Variants in DROSHA observed in about 807,000 individuals in gnomAD.
DROSHA encodes drosha ribonuclease III.
Under a neutral mutation model 181.9 loss-of-function variants are expected in DROSHA, and 56 were observed. That is an observed-to-expected ratio of 0.31 (90% CI 0.25 to 0.38). The LOEUF (loss-of-function observed/expected upper bound fraction) is 0.38. DROSHA is among the 10% of genes least tolerant of loss of function. DROSHA has a pLI of 1.00. For missense variants in DROSHA, 1,218 were observed against 1,743.5 expected (o/e 0.70, Z 5.37); for synonymous variants, 524 against 591.2 (o/e 0.89, Z 1.65).
intron 20 of DROSHA, among the ~76,000 whole-genome samples, chr5:31,461,374 T>A (rs574408644): frequency 6.6e-6 from 1 of 152,304 alleles, no homozygotes; most frequent in East Asian, 1.9e-4. Context: ...ACGTATCAAC[T>A]GTGGCAAAAA....
At chr5:31,454,964 C>G (rs1747471632) in intron 20 of DROSHA, among the ~76,000 whole-genome samples, 2 of 147,744 alleles carry the variant, frequency 1.4e-5, no homozygotes, top group Admixed American at 6.7e-5. Flanking sequence ...AAAAAAAATT[C>G]CAGAGAAACA....
At chr5:31,464,035 C>T (rs1387696299) in intron 20 of DROSHA, 6 of 578,010 alleles carry the variant, frequency 1.0e-5, no homozygotes, top group Admixed American at 3.1e-5. Context: ...CCCACAAATA[C>T]AACATACACA....
At chr5:31,417,283 C>T (rs1026881838) in intron 30 of DROSHA, among the ~76,000 whole-genome samples, 4 of 152,226 alleles carry the variant, frequency 2.6e-5, no homozygotes, top group Non-Finnish European at 5.9e-5. Context: ...AACTGGCATA[C>T]AGGCCAATGT....
At chr5:31,466,305 T>C in intron 18 of DROSHA, 24 bp from the exon 19 acceptor site, 1 of 1,607,878 alleles carries the variant, frequency 6.2e-7, no homozygotes, top group Non-Finnish European at 8.5e-7. Context: ...CAGGCAAACA[T>C]CTCAGGTAAA....
chr5:31,448,870 G>A (rs1376180500), intron 22 of DROSHA, among the ~76,000 whole-genome samples: 1 of 152,154 alleles, frequency 6.6e-6, no homozygotes, highest in African/African-American at 2.4e-5. Flanking sequence ...CAGTGGCTCA[G>A]GTCTGTAACT....
chr5:31,405,741 G>A lies in DROSHA; in HGVS notation c.3948-18C>T. 1.4e-6 allele frequency: 1 copy of A among 738,388 alleles called. No individual in the cohort carries two copies. Among genetic ancestry groups the A allele is most frequent in the Non-Finnish European group, 2.0e-6 (1 of 493,392 alleles). The allele number at this position is 738,388 out of a possible 1,614,324, so 45.7% of individuals were successfully genotyped here. ...GCTGAATACTATTAAATAAAATAAA[G>A]TAAGACATACTTTAATTTCAAGATT... On this transcript the variant is annotated intron_variant, in intron 34 of 35. Coordinates refer to ENST00000344624, the MANE Select transcript of DROSHA (RefSeq NM_001382508.1).
Position 31,429,532 on chromosome 5 carries a change from C to T in DROSHA, c.3159G>A (p.Leu1053=). 2 of 1,611,774 alleles carry T rather than the reference C, an allele frequency of 1.2e-6. No individual in the cohort carries two copies. The highest frequency in any genetic ancestry group is 1.1e-5 in the South Asian group (1 of 90,700). Residue 1053 remains leucine, a synonymous_variant, in exon 27 of 36, where the codon TTG becomes TTA. Coordinates refer to ENST00000344624, the MANE Select transcript of DROSHA (RefSeq NM_001382508.1). ...CFEALIGAVY[L]EGSLEEAKQL... ...GCTTGGCTTCCTCCAGGCTTCCCTC[C>T]AAGTAAACAGCTCCTAGATGAAAAA...
At chr5:31,446,984 G>A (rs112433929) in intron 23 of DROSHA, among the ~76,000 whole-genome samples, 217 of 152,256 alleles carry the variant, frequency 1.4e-3, no homozygotes, top group African/African-American at 5.1e-3. Context: ...AGGTTGCAGT[G>A]AGCTGAGATC....
intron 10 of DROSHA, among the ~76,000 whole-genome samples, chr5:31,507,905 A>AT (rs975202823): frequency 2.6e-5 from 4 of 152,344 alleles, no homozygotes; most frequent in Admixed American, 6.5e-5. Context: ...CAGACGTTCT[A>AT]TAAAAAAAAG....
At chr5:31,494,178 G>A (rs942101230) in intron 12 of DROSHA, among the ~76,000 whole-genome samples, 4 of 152,028 alleles carry the variant, frequency 2.6e-5, no homozygotes, top group African/African-American at 9.7e-5. Flanking sequence ...ATCCCTACTA[G>A]GCTGGTCTCA....
At chr5:31,464,472 A>G (rs1748783154) in intron 19 of DROSHA, 129 bp from the exon 20 acceptor site, 3 of 791,954 alleles carry the variant, frequency 3.8e-6, no homozygotes, top group East Asian at 2.7e-5. Context: ...AAACCTCTTC[A>G]TACAAAATTA....
At chr5:31,529,731 AAACAAAAAAAAAAAAAC>A (rs1399635260) in intron 3 of DROSHA, among the ~76,000 whole-genome samples, 2 of 138,732 alleles carry the variant, frequency 1.4e-5, no homozygotes, top group African/African-American at 6.0e-5. Flanking sequence ...TCAAAAAAAC[AAACAAAAAAAAAAAAAC>A]AAAAAAAAAA....
intron 23 of DROSHA, among the ~76,000 whole-genome samples, chr5:31,438,750 G>A (rs943761385): frequency 6.6e-6 from 1 of 152,020 alleles, no homozygotes; most frequent in Non-Finnish European, 1.5e-5. Flanking sequence ...TTCAGGTGAT[G>A]AATTATATGA....
At chr5:31,434,962 T>C (rs141363768) in intron 25 of DROSHA, among the ~76,000 whole-genome samples, 2 of 152,392 alleles carry the variant, frequency 1.3e-5, no homozygotes, top group African/African-American at 4.8e-5. Flanking sequence ...TAGCACTTTA[T>C]AAATGACATC....
chr5:31,408,961 G>C (rs1290668097), intron 33 of DROSHA, 95 bp downstream of exon 33: 3 of 1,174,546 alleles, frequency 2.6e-6, no homozygotes, highest in East Asian at 4.9e-5. Context: ...CTCCTGTCAT[G>C]ATCACCCCAC....
chr5:31,419,989 G>A (rs1401890168), intron 30 of DROSHA, among the ~76,000 whole-genome samples: 1 of 151,732 alleles, frequency 6.6e-6, no homozygotes, highest in African/African-American at 2.4e-5. Flanking sequence ...TATAAAAAAA[G>A]AGTACTGCTG....
intron 25 of DROSHA, among the ~76,000 whole-genome samples, chr5:31,433,106 C>A (rs569704427): frequency 6.6e-6 from 1 of 152,220 alleles, no homozygotes; most frequent in South Asian, 2.1e-4. Context: ...TTCCACCAGT[C>A]CTCAGACAAA....
chr5:31,444,115 C>T (rs190725639), intron 23 of DROSHA, among the ~76,000 whole-genome samples: 3 of 152,304 alleles, frequency 2.0e-5, no homozygotes, highest in Non-Finnish European at 4.4e-5. Context: ...CAATGACGAT[C>T]AGCACACGGG....
chr5:31,479,662 C>G (rs1243877727), intron 16 of DROSHA, among the ~76,000 whole-genome samples: 1 of 151,868 alleles, frequency 6.6e-6, no homozygotes, highest in East Asian at 1.9e-4. Context: ...GATCAAAAAG[C>G]AATCTACAGA....
Sources: allele counts gnomAD v4.1 joint callset (sites outside exome capture counted in the v4.1 genomes callset), GRCh38; gene constraint gnomAD v4.1.1; transcripts MANE v1.5; gene names NCBI Gene and HGNC (gene_info 2026-07-23, HGNC 2026-07-21).